SPAG16: variants seen among roughly 807,000 people sequenced by gnomAD.
SPAG16 encodes the protein sperm associated antigen 16.
Under a neutral mutation model 80.4 loss-of-function variants are expected in SPAG16, and 86 were observed. That is an observed-to-expected ratio of 1.07 (90% CI 0.90 to 1.28). The LOEUF (loss-of-function observed/expected upper bound fraction) is 1.28, where lower values mean the gene tolerates loss of function less well. Among genes scored for constraint, SPAG16 ranks in the 50% most tolerant of loss-of-function variants. The probability of loss-of-function intolerance (pLI) is 0.00; values close to 1 mark genes in which losing one functional copy is unlikely to be tolerated. For synonymous variants in SPAG16, 294 were observed against 265.9 expected, an observed-to-expected ratio of 1.11 and a Z score of -1.03; for missense variants, 870 against 765.3, an observed-to-expected ratio of 1.14 and a Z score of -1.61.
At chr2:213,469,938 C>T (rs986260602) in intron 9 of SPAG16, among the ~76,000 whole-genome samples, 6 of 152,070 alleles carry the variant, frequency 3.9e-5, no homozygotes, top group African/African-American at 1.2e-4. Context: ...TGGAAGCATT[C>T]CCCTCTCTAG....
chr2:214,163,040 G>T (rs1019671898), intron 15 of SPAG16, among the ~76,000 whole-genome samples: 1 of 151,912 alleles, frequency 6.6e-6, no homozygotes, highest in African/African-American at 2.4e-5. Flanking sequence ...TTTTTTGACT[G>T]CTTGAGATCT....
At chr2:213,867,810 G>A (rs1186203635) in intron 11 of SPAG16, among the ~76,000 whole-genome samples, 1 of 151,142 alleles carries the variant, frequency 6.6e-6, no homozygotes, top group Non-Finnish European at 1.5e-5. Flanking sequence ...TGTAGTCCCA[G>A]CTACTCGGGA....
intron 8 of SPAG16, chr2:213,364,918 C>G (rs2066197484): frequency 6.6e-6 from 1 of 152,174 alleles, no homozygotes; most frequent in Non-Finnish European, 1.5e-5. Context: ...CATTCAGCAT[C>G]CCATATCCGC....
chr2:214,165,356 C>T (rs2056603591), intron 15 of SPAG16, among the ~76,000 whole-genome samples: 2 of 151,664 alleles, frequency 1.3e-5, no homozygotes, highest in Admixed American at 1.3e-4. Context: ...ATCTGCATAC[C>T]CGTTTATAGG....
intron 15 of SPAG16, among the ~76,000 whole-genome samples, chr2:214,274,881 C>T (rs1692332777): frequency 6.6e-6 from 1 of 152,162 alleles, no homozygotes. Flanking sequence ...GTACCAGCTC[C>T]TCTTTGTACC....
chr2:213,932,938 G>T (rs2078830461), intron 12 of SPAG16, among the ~76,000 whole-genome samples: 1 of 129,828 alleles, frequency 7.7e-6, no homozygotes, highest in African/African-American at 3.0e-5. Context: ...TTCACTTAAT[G>T]GTTGTTTGAA....
chr2:214,070,754 T>C (rs1170991077), intron 13 of SPAG16, among the ~76,000 whole-genome samples: 1 of 152,086 alleles, frequency 6.6e-6, no homozygotes, highest in Non-Finnish European at 1.5e-5. Context: ...TTTCTTAGAA[T>C]AAATCCTACT....
At chr2:213,424,379 A>G (rs368434276) in intron 9 of SPAG16, among the ~76,000 whole-genome samples, 1 of 152,332 alleles carries the variant, frequency 6.6e-6, no homozygotes, top group South Asian at 2.1e-4. Context: ...ATATATATTT[A>G]ATCACATTTA....
Position 213,284,512 on chromosome 2 carries a change from C to G in SPAG16, c.29C>G (p.Ser10Cys). 1 of 1,581,914 alleles carries G rather than the reference C, an allele frequency of 6.3e-7. No individual in the cohort carries two copies. The highest frequency in any genetic ancestry group is 1.3e-5 in the African/African-American group (1 of 74,494). Reference sequence around the variant, plus strand: ...GCTGCTCAGCGAGGGATGCCCAGCTCCGCCGTGAGGGTCCTGGAAGAGGCG... The same window carrying G: ...GCTGCTCAGCGAGGGATGCCCAGCTGCGCCGTGAGGGTCCTGGAAGAGGCG... MAAQRGMPS[S>C]AVRVLEEALG... The change falls in exon 1 of 16, where the codon TCC becomes TGC. Residue 10 changes from serine (S) to cysteine (C), a missense_variant. Coordinates refer to ENST00000331683, the MANE Select transcript of SPAG16 (RefSeq NM_024532.5).
intron 12 of SPAG16, among the ~76,000 whole-genome samples, chr2:213,932,179 TA>T (rs1559602517): frequency 4.2e-4 from 11 of 26,006 alleles, no homozygotes; most frequent in African/African-American, 6.7e-4. Context: ...TATATATATA[TA>T]TATATATATA....
chr2:214,154,112 T>A (rs1352607818), intron 15 of SPAG16, among the ~76,000 whole-genome samples: 1 of 152,224 alleles, frequency 6.6e-6, no homozygotes, highest in African/African-American at 2.4e-5. Context: ...AAATGCCATA[T>A]GTTTGATCAT....
At chr2:214,136,163 G>A (rs1034190440) in intron 14 of SPAG16, among the ~76,000 whole-genome samples, 2 of 152,020 alleles carry the variant, frequency 1.3e-5, no homozygotes, top group Non-Finnish European at 2.9e-5. Flanking sequence ...CTACAAGAAT[G>A]ATAACAAACC....
At chr2:213,361,197 C>T (rs1229595019) in intron 7 of SPAG16, among the ~76,000 whole-genome samples, 2 of 151,780 alleles carry the variant, frequency 1.3e-5, no homozygotes, top group East Asian at 1.9e-4. Flanking sequence ...AAACCTATAA[C>T]TTTGTTTTTG....
intron 10 of SPAG16, among the ~76,000 whole-genome samples, chr2:213,850,889 T>C (rs1197269730): frequency 1.3e-5 from 2 of 152,156 alleles, no homozygotes; most frequent in East Asian, 1.9e-4. Flanking sequence ...ATTTTCACTT[T>C]GGATTTTTTT....
At chr2:213,758,630 A>C (rs948726061) in intron 10 of SPAG16, among the ~76,000 whole-genome samples, 2 of 152,174 alleles carry the variant, frequency 1.3e-5, no homozygotes, top group African/African-American at 4.8e-5. Flanking sequence ...AAGATAGGAC[A>C]ATGGAAATCA....
chr2:213,499,928 C>G (rs1484524915), intron 10 of SPAG16, among the ~76,000 whole-genome samples: 1 of 152,104 alleles, frequency 6.6e-6, no homozygotes, highest in Non-Finnish European at 1.5e-5. Context: ...TTTAGTATTC[C>G]TAAGACTTTC....
intron 7 of SPAG16, among the ~76,000 whole-genome samples, chr2:213,351,661 G>T (rs1010536417): frequency 6.6e-6 from 1 of 151,948 alleles, no homozygotes; most frequent in Non-Finnish European, 1.5e-5. Context: ...GCCAAACTTT[G>T]AGAAGCTACA....
At chr2:214,231,389 C>T (rs183463245) in intron 15 of SPAG16, among the ~76,000 whole-genome samples, 51 of 151,898 alleles carry the variant, frequency 3.4e-4, no homozygotes, top group African/African-American at 1.0e-3. Context: ...AGTATTTATT[C>T]GACTTCAGAG....
intron 12 of SPAG16, among the ~76,000 whole-genome samples, chr2:213,977,880 A>C (rs2045501126): frequency 6.6e-6 from 1 of 151,934 alleles, no homozygotes; most frequent in African/African-American, 2.4e-5. Context: ...CCATTGACAA[A>C]ATTTATGTCC....
Sources: allele counts gnomAD v4.1 joint callset (sites outside exome capture counted in the v4.1 genomes callset), GRCh38; gene constraint gnomAD v4.1.1; transcripts MANE v1.5; gene names NCBI Gene and HGNC (gene_info 2026-07-23, HGNC 2026-07-21).